Variants in IFT88 observed in about 807,000 individuals in gnomAD.
The protein encoded by IFT88 is intraflagellar transport 88.
A neutral mutation model predicts 119.5 loss-of-function variants in IFT88; 74 were observed. That is an observed-to-expected ratio of 0.62 (90% CI 0.51 to 0.75). IFT88 has a LOEUF of 0.75. Among genes scored for constraint, IFT88 ranks in the 30% least tolerant of loss-of-function variants. IFT88 has a pLI of 0.00. For synonymous variants in IFT88, 279 were observed against 316.7 expected (o/e 0.88, Z 1.26); for missense variants, 961 against 977.7 (o/e 0.98, Z 0.23).
intron 15 of IFT88, among the ~76,000 whole-genome samples, chr13:20,629,344 T>C (rs1299617254): frequency 6.6e-6 from 1 of 152,186 alleles, no homozygotes; most frequent in Non-Finnish European, 1.5e-5. Context: ...TTAGCAGCAA[T>C]CATTTTTGAG....
intron 1 of IFT88, among the ~76,000 whole-genome samples, chr13:20,573,515 A>C (rs1336576065): frequency 6.6e-6 from 1 of 152,118 alleles, no homozygotes; most frequent in African/African-American, 2.4e-5. Context: ...TTCTTATACA[A>C]ATCTTTTTGT....
intron 17 of IFT88, among the ~76,000 whole-genome samples, chr13:20,638,890 A>G (rs1040066304): frequency 1.3e-5 from 2 of 152,238 alleles, no homozygotes; most frequent in Admixed American, 6.5e-5. Context: ...AACAATTTCA[A>G]ACATGCACAA....
chr13:20,624,716 T>A (rs911164452), intron 14 of IFT88, among the ~76,000 whole-genome samples: 1 of 152,174 alleles, frequency 6.6e-6, no homozygotes, highest in Non-Finnish European at 1.5e-5. Context: ...CATCATACTG[T>A]GTGAATGTCT....
At chr13:20,597,685 G>A (rs143943002) in intron 9 of IFT88, among the ~76,000 whole-genome samples, 14,839 of 150,884 alleles carry the variant, frequency 0.098, 1,001 homozygotes, top group Non-Finnish European at 0.15. Context: ...CGGAGCTTGC[G>A]GCGAGCCAAG....
chr13:20,576,497 G>C (rs1436522160), intron 2 of IFT88, among the ~76,000 whole-genome samples: 1 of 152,124 alleles, frequency 6.6e-6, no homozygotes, highest in Non-Finnish European at 1.5e-5. Flanking sequence ...TTCATAGTTT[G>C]AGGTCTTAGA....
intron 16 of IFT88, among the ~76,000 whole-genome samples, chr13:20,635,765 C>T (rs2048933264): frequency 6.6e-6 from 1 of 152,034 alleles, no homozygotes; most frequent in African/African-American, 2.4e-5. Flanking sequence ...AGGACCAATA[C>T]CTAATGCATA....
At chr13:20,577,752 T>C (rs2037676926) in intron 2 of IFT88, among the ~76,000 whole-genome samples, 1 of 152,182 alleles carries the variant, frequency 6.6e-6, no homozygotes, top group Admixed American at 6.5e-5. Context: ...TGGATTTGGT[T>C]TGCTAGTGTT....
chr13:20,579,796 A>G (rs2038179921), intron 2 of IFT88, among the ~76,000 whole-genome samples: 1 of 152,204 alleles, frequency 6.6e-6, no homozygotes, highest in South Asian at 2.1e-4. Flanking sequence ...GTCTCACCCA[A>G]GTCCCACTGT....
At chr13:20,568,982 A>G (rs4770057) in intron 1 of IFT88, among the ~76,000 whole-genome samples, 33,390 of 151,790 alleles carry the variant, frequency 0.22, 4,314 homozygotes, top group Admixed American at 0.35. Context: ...GGCCTCCCAG[A>G]GTGTTGGGAT....
intron 16 of IFT88, chr13:20,631,318 G>A (rs1177711631): frequency 1.2e-5 from 6 of 495,102 alleles, no homozygotes; most frequent in East Asian, 9.9e-5. Flanking sequence ...AAGGGAGGAA[G>A]AAAAATTGTA....
At chr13:20,668,191 C>T (rs1434038958) in intron 23 of IFT88, among the ~76,000 whole-genome samples, 1 of 152,184 alleles carries the variant, frequency 6.6e-6, no homozygotes, top group Non-Finnish European at 1.5e-5. Flanking sequence ...ATCACAGAGT[C>T]TGTCCTGTTG....
Position 20,645,349 on chromosome 13 carries a change from C to T in IFT88, c.1949+391C>T, listed in dbSNP as rs562350579. On this transcript the variant is annotated intron_variant, in intron 20 of 25. Coordinates refer to ENST00000351808, the MANE Select transcript of IFT88 (RefSeq NM_006531.5). ...AGGTGATCCACCTGCCTCAGCCTCC[C>T]AAAGTGCTGGGATTACAGGCATGAG... is the stretch of plus-strand genomic sequence containing the variant. 1.2e-4 allele frequency among the ~76,000 whole-genome samples: 18 copies of T among 152,288 alleles called. No individual in the cohort carries two copies. In the South Asian group the frequency reaches 2.7e-3, roughly 23 times the overall value.
chr13:20,581,138 A>G (rs2038565243), intron 2 of IFT88, among the ~76,000 whole-genome samples: 1 of 152,240 alleles, frequency 6.6e-6, no homozygotes, highest in African/African-American at 2.4e-5. Flanking sequence ...CCAAAAATAA[A>G]TTAGACAGTG....
At position 20,567,212 on chromosome 13, in the gene IFT88, C is replaced by A. The variant is rs1002962508; in HGVS notation, c.-51C>A. ...GTCGCGCTTTGGCCAACCGCTGCGT[C>A]GTCCCTGGGCCCGAATAACTGTCGC... On this transcript the variant is annotated 5_prime_UTR_variant, in exon 1 of 26. Coordinates refer to ENST00000351808, the MANE Select transcript of IFT88 (RefSeq NM_006531.5). 6.6e-6 allele frequency: 1 copy of A among 152,350 alleles called. No homozygotes were observed. Among genetic ancestry groups the A allele is most frequent in the Non-Finnish European group, 1.5e-5 (1 of 68,152 alleles). The allele number at this position is 152,350 out of a possible 1,614,324, so 9.4% of individuals were successfully genotyped here.
At chr13:20,636,768 GT>G (rs1312950432) in intron 16 of IFT88, among the ~76,000 whole-genome samples, 1 of 152,222 alleles carries the variant, frequency 6.6e-6, no homozygotes, top group African/African-American at 2.4e-5. Flanking sequence ...ACATGTTTTA[GT>G]TTTTAAGCAG....
chr13:20,572,410 G>T (rs1239292241), intron 1 of IFT88, among the ~76,000 whole-genome samples: 2 of 151,946 alleles, frequency 1.3e-5, no homozygotes, highest in African/African-American at 4.8e-5. Context: ...GTAGCGATGG[G>T]GTTTCACCAT....
intron 16 of IFT88, 57 bp downstream of exon 16, chr13:20,631,159 C>A: frequency 9.0e-7 from 1 of 1,115,438 alleles, no homozygotes; most frequent in Non-Finnish European, 1.4e-6. Context: ...TGCTAAATTT[C>A]TGCCCAAGGA....
intron 15 of IFT88, among the ~76,000 whole-genome samples, chr13:20,627,324 A>G (rs2047494533): frequency 1.3e-5 from 2 of 152,216 alleles, no homozygotes; most frequent in South Asian, 4.1e-4. Flanking sequence ...CTAAAGTGCT[A>G]TATGGACAAG....
chr13:20,597,754 A>AAAT (rs1446969137), intron 9 of IFT88, among the ~76,000 whole-genome samples: 14 of 142,658 alleles, frequency 9.8e-5, no homozygotes, highest in East Asian at 7.9e-4. Context: ...TCAAAAAAAA[A>AAAT]ATATATATAT....
Sources: allele counts gnomAD v4.1 joint callset (sites outside exome capture counted in the v4.1 genomes callset), GRCh38; gene constraint gnomAD v4.1.1; transcripts MANE v1.5; gene names NCBI Gene and HGNC (gene_info 2026-07-23, HGNC 2026-07-21).